APBB1: variants seen among roughly 807,000 people sequenced by gnomAD.
APBB1 encodes amyloid beta precursor protein binding family B member 1.
In APBB1, 22 loss-of-function variants were observed where a neutral mutation model predicts 78.4. That is an observed-to-expected ratio of 0.28 (90% CI 0.20 to 0.40). APBB1 has a LOEUF of 0.40. Among genes scored for constraint, APBB1 ranks in the 10% least tolerant of loss-of-function variants. APBB1 has a pLI of 1.00. For synonymous variants in APBB1, 369 were observed against 372.7 expected (o/e 0.99, Z 0.12); for missense variants, 749 against 932.4 (o/e 0.80, Z 2.56).
rs1488365622 is a variant in APBB1 at position 6,403,445 on chromosome 11, C to T, written c.955-41G>A. ...GAGGAATCAGTATCAAAATGATGCC[C>T]CTCCTCCAGCTATCCCGTGGTAAAG... On this transcript the variant is annotated intron_variant, in intron 4 of 14. Transcript: ENST00000609360. This position sits in a 1 kb window ranked among gnomAD's most constrained non-coding sequence, Gnocchi z 5.3. 3 of 1,614,138 alleles carry T rather than the reference C, an allele frequency of 1.9e-6. No homozygotes were observed. The highest frequency in any genetic ancestry group is 2.5e-6 in the Non-Finnish European group (3 of 1,179,956).
intron 1 of APBB1, among the ~76,000 whole-genome samples, chr11:6,413,571 G>A (rs994830750): frequency 6.6e-6 from 1 of 152,104 alleles, no homozygotes; most frequent in Non-Finnish European, 1.5e-5. Flanking sequence ...ACCTCCTGCA[G>A]CCTCCTGAGT....
intron 2 of APBB1, chr11:6,405,053 C>G (rs1564941872): frequency 1.4e-6 from 2 of 1,411,304 alleles, no homozygotes; most frequent in Non-Finnish European, 1.8e-6. Flanking sequence ...GACCCCAGCC[C>G]CTTCTGCTCA....
intron 2 of APBB1, among the ~76,000 whole-genome samples, chr11:6,408,321 C>T (rs184879365): frequency 4.0e-5 from 6 of 151,224 alleles, no homozygotes; most frequent in South Asian, 4.1e-4. Context: ...ACAACAACAA[C>T]GAAAAAAATA....
At chr11:6,406,940 T>A (rs1848824144) in intron 2 of APBB1, among the ~76,000 whole-genome samples, 1 of 152,188 alleles carries the variant, frequency 6.6e-6, no homozygotes, top group South Asian at 2.1e-4. Flanking sequence ...CTTTGCCCCA[T>A]AGTATACATT....
intron 2 of APBB1, among the ~76,000 whole-genome samples, chr11:6,409,646 T>G (rs1366737045): frequency 1.4e-5 from 2 of 146,334 alleles, no homozygotes; most frequent in African/African-American, 5.6e-5. Flanking sequence ...GTATGGGTAT[T>G]GTGTCCGCCA....
At chr11:6,408,919 G>A (rs1848889771) in intron 2 of APBB1, among the ~76,000 whole-genome samples, 2 of 152,132 alleles carry the variant, frequency 1.3e-5, no homozygotes, top group Non-Finnish European at 2.9e-5. Context: ...GATTACAGGC[G>A]TGAGCCACTG....
chr11:6,405,417 C>T (rs1848759264), intron 2 of APBB1: 1 of 987,190 alleles, frequency 1.0e-6, no homozygotes. Flanking sequence ...TGCAGCGTCT[C>T]CTCGGCAACC....
At chr11:6,400,109 C>G (rs1033108672) in intron 12 of APBB1, among the ~76,000 whole-genome samples, 1 of 152,106 alleles carries the variant, frequency 6.6e-6, no homozygotes, top group African/African-American at 2.4e-5. Context: ...CCTTCTATAA[C>G]CTCTAGGAAA....
chr11:6,396,394 T>C (rs556073140), intron 12 of APBB1, 179 bp from the exon 13 acceptor site: 1 of 577,520 alleles, frequency 1.7e-6, no homozygotes, highest in East Asian at 3.1e-5. Flanking sequence ...TCCCCTGGCT[T>C]CAGTAACTGG....
At chr11:6,409,839 A>G (rs939333635) in intron 2 of APBB1, among the ~76,000 whole-genome samples, 5 of 152,234 alleles carry the variant, frequency 3.3e-5, no homozygotes, top group African/African-American at 4.8e-5. Context: ...TTTAATGATT[A>G]AGCCCTGGAG....
At chr11:6,410,461 C>A (rs554482402) in intron 2 of APBB1, among the ~76,000 whole-genome samples, 166 bp downstream of exon 2, 1 of 152,190 alleles carries the variant, frequency 6.6e-6, no homozygotes, top group African/African-American at 2.4e-5. Context: ...GTCAGATCTA[C>A]CAGAATGTCC....
intron 2 of APBB1, among the ~76,000 whole-genome samples, chr11:6,407,424 C>T (rs564663255): frequency 5.2e-4 from 79 of 152,330 alleles, no homozygotes; most frequent in African/African-American, 1.8e-3. Flanking sequence ...AGCAACTAGG[C>T]CTCTATTTGG....
intron 1 of APBB1, among the ~76,000 whole-genome samples, chr11:6,418,679 C>G (rs1311935040): frequency 1.3e-5 from 2 of 151,878 alleles, no homozygotes; most frequent in Non-Finnish European, 2.9e-5. Context: ...CCTTCCCGGA[C>G]CTGGGCCTCC....
At chr11:6,405,070 T>C in intron 2 of APBB1, 2 of 1,385,634 alleles carry the variant, frequency 1.4e-6, no homozygotes, top group Non-Finnish European at 1.9e-6. Context: ...CTCACACCTC[T>C]TCTTCCTCGC....
chr11:6,416,169 C>T (rs538032283), intron 1 of APBB1, among the ~76,000 whole-genome samples: 4 of 152,266 alleles, frequency 2.6e-5, no homozygotes, highest in East Asian at 1.9e-4. Context: ...AGCCTCTATC[C>T]GGGGCCTCCA....
At chr11:6,419,110 G>C (rs1436542226), upstream of APBB1, 2 of 376,102 alleles carry the variant, frequency 5.3e-6, no homozygotes, top group Non-Finnish European at 9.4e-6. Context: ...GCCGCGCCCC[G>C]AGCGGCGGAG....
rs2134028553 is a variant in APBB1, at chr11:6,395,409, C to T, written c.*125G>A. 4 of 1,052,422 alleles carry T rather than the reference C, an allele frequency of 3.8e-6. No homozygotes were observed. In the Admixed American group the frequency reaches 1.4e-4, roughly 36 times the overall value. The allele number at this position is 1,052,422 out of a possible 1,614,324, so 65.2% of individuals were successfully genotyped here. ...CCAGCTCCTAGGCAGGGAACCGTAG[C>T]TACTGGGGAGGGGCATATTTGGGAG... On this transcript the variant is annotated 3_prime_UTR_variant, in exon 15 of 15. Transcript: ENST00000609360. This position sits in a 1 kb window ranked among gnomAD's most constrained non-coding sequence, Gnocchi z 5.2.
At chr11:6,402,501 G>A in intron 7 of APBB1, 75 bp downstream of exon 7, 2 of 1,504,508 alleles carry the variant, frequency 1.3e-6, no homozygotes, top group Non-Finnish European at 1.8e-6. Flanking sequence ...TTGTGGGCAG[G>A]TCAGACCTCC....
At chr11:6,397,082 G>A (rs1357420589) in intron 12 of APBB1, among the ~76,000 whole-genome samples, 1 of 152,178 alleles carries the variant, frequency 6.6e-6, no homozygotes, top group Non-Finnish European at 1.5e-5. Flanking sequence ...GAGCACCAAG[G>A]CAGGAGCACA....
Sources: allele counts gnomAD v4.1 joint callset (sites outside exome capture counted in the v4.1 genomes callset), GRCh38; gene constraint gnomAD v4.1.1; non-coding constraint Gnocchi (gnomAD v3.1); transcripts MANE v1.5; gene names NCBI Gene and HGNC (gene_info 2026-07-23, HGNC 2026-07-21).